The following CLASP1 variants were observed in gnomAD, a reference collection of about 807,000 sequenced individuals.
CLASP1 encodes cytoplasmic linker associated protein 1, also known as CLIP-associating protein 1.
A neutral mutation model predicts 192.3 loss-of-function variants in CLASP1; 38 were observed. The observed-to-expected ratio is 0.20, with a 90% confidence interval of 0.15 to 0.26. The LOEUF is 0.26. Among genes scored for constraint, CLASP1 ranks in the 10% least tolerant of loss-of-function variants. CLASP1 has a pLI of 1.00. For missense variants in CLASP1, 1,433 were observed against 1,932.5 expected (o/e 0.74, Z 4.85); for synonymous variants, 691 against 712.8 (o/e 0.97, Z 0.49).
At chr2:121,510,270 T>A (rs1056558337) in intron 7 of CLASP1, among the ~76,000 whole-genome samples, 2 of 152,152 alleles carry the variant, frequency 1.3e-5, no homozygotes, top group Non-Finnish European at 2.9e-5. Flanking sequence ...AAGTTAGTTC[T>A]TTGAAAAGGC....
At chr2:121,527,672 G>A in intron 5 of CLASP1, 127 bp downstream of exon 5, 2 of 673,778 alleles carry the variant, frequency 3.0e-6, no homozygotes, top group Admixed American at 2.5e-5. Context: ...GGGCAAGGGT[G>A]GGTAAAGGGG....
At chr2:121,530,427 G>T in intron 2 of CLASP1, 102 bp from the exon 3 acceptor site, 1 of 810,076 alleles carries the variant, frequency 1.2e-6, no homozygotes, top group Non-Finnish European at 2.0e-6. Context: ...CCCAGACGCA[G>T]TCCGAGAGTC....
chr2:121,632,040 C>T lies in CLASP1; in HGVS notation c.-286+17332G>A, dbSNP rs2069783460. On this transcript the variant is annotated intron_variant, in intron 1 of 39. Coordinates refer to ENST00000263710, the Ensembl canonical transcript of CLASP1. ...CCAGCCCAGGCAACAGAGCAAGACC[C>T]CATCTCAAAACAAATAAAATAAAAT... Among the ~76,000 whole-genome samples the T allele has an allele frequency of 5.9e-5, 9 of 151,872 alleles. No individual in the cohort carries two copies. The South Asian group carries it at 1.9e-3, about 31-fold the overall frequency.
intron 2 of CLASP1, among the ~76,000 whole-genome samples, chr2:121,577,499 TC>T (rs1362154691): frequency 6.6e-6 from 1 of 152,160 alleles, no homozygotes; most frequent in Non-Finnish European, 1.5e-5. Flanking sequence ...ATGGTGAAAT[TC>T]TAATGTGATA....
chr2:121,358,460 AAGGGCCATTCCTG>A (rs1405628641), intron 37 of CLASP1, among the ~76,000 whole-genome samples: 5 of 152,158 alleles, frequency 3.3e-5, no homozygotes, highest in African/African-American at 1.2e-4. Context: ...AGAGGCACCT[AAGGGCCATTCCTG>A]AGCGCAGGGG....
At chr2:121,514,516 A>C (rs894641293) in intron 7 of CLASP1, among the ~76,000 whole-genome samples, 2 of 152,140 alleles carry the variant, frequency 1.3e-5, no homozygotes, top group African/African-American at 4.8e-5. Flanking sequence ...AAAAAAAAAA[A>C]ACAAAACAAA....
At chr2:121,464,282 T>C (rs1349400892) in intron 9 of CLASP1, among the ~76,000 whole-genome samples, 2 of 152,038 alleles carry the variant, frequency 1.3e-5, no homozygotes, top group African/African-American at 2.4e-5. Context: ...TCTTTGCTAT[T>C]GTGAATAGTG....
At chr2:121,602,613 T>C (rs775754244) in intron 2 of CLASP1, among the ~76,000 whole-genome samples, 3 of 152,052 alleles carry the variant, frequency 2.0e-5, no homozygotes, top group African/African-American at 4.8e-5. Flanking sequence ...AACAGACACA[T>C]AGGCCAATGG....
chr2:121,524,365 A>G (rs2104617744), intron 6 of CLASP1, among the ~76,000 whole-genome samples: 1 of 152,354 alleles, frequency 6.6e-6, no homozygotes, highest in East Asian at 1.9e-4. Context: ...TTTTTAAAAA[A>G]TAGTACAATT....
rs186001225 is a variant in CLASP1 at position 121,592,364 on chromosome 2, T to C, written c.195+13337A>G. 5.3e-4 allele frequency among the ~76,000 whole-genome samples: 81 copies of C among 152,356 alleles called. 2 individuals are homozygous for C. In the East Asian group the frequency reaches 0.012, roughly 22 times the overall value. On this transcript the variant is annotated intron_variant, in intron 2 of 39. Coordinates refer to ENST00000263710, the Ensembl canonical transcript of CLASP1. The stretch of plus-strand genomic sequence containing the variant: ...AACCAAACTTCATCGCATTTTTATA[T>C]GTTCACAAAATTATTAGGTTGCCTT...
At position 121,562,103 on chromosome 2, in the gene CLASP1, G is replaced by A. The variant is rs567503168; in HGVS notation, c.196-31778C>T. 2.6e-5 allele frequency among the ~76,000 whole-genome samples: 4 copies of A among 152,130 alleles called. No homozygotes were observed. The South Asian group carries it at 6.2e-4, about 24-fold the overall frequency. On this transcript the variant is annotated intron_variant, in intron 2 of 39. Transcript: ENST00000263710. ...GTTCCTACAGGTTGCAACATAAAAC[G>A]GATTTCTCACTATGAACCTTAGAGA...
At chr2:121,351,806 T>C (rs1253713699) in intron 37 of CLASP1, among the ~76,000 whole-genome samples, 1 of 152,174 alleles carries the variant, frequency 6.6e-6, no homozygotes, top group African/African-American at 2.4e-5. Context: ...GTGCTCACTA[T>C]GTATGTGAAG....
intron 9 of CLASP1, among the ~76,000 whole-genome samples, chr2:121,464,690 G>A (rs903043734): frequency 6.6e-6 from 1 of 151,926 alleles, no homozygotes; most frequent in African/African-American, 2.4e-5. Flanking sequence ...TTTTTGATGG[G>A]GTTGTTTGTT....
intron 28 of CLASP1, among the ~76,000 whole-genome samples, chr2:121,399,893 A>G (rs967655305): frequency 3.1e-4 from 47 of 152,236 alleles, no homozygotes; most frequent in Admixed American, 1.3e-4. Flanking sequence ...TGGCCTTCAC[A>G]GTATCTTAAA....
chr2:121,403,246 G>A (rs1275561391), intron 26 of CLASP1, among the ~76,000 whole-genome samples: 1 of 152,138 alleles, frequency 6.6e-6, no homozygotes, highest in African/African-American at 2.4e-5. Context: ...GGGAGGGGAG[G>A]AGAACCCTTG....
intron 21 of CLASP1, 56 bp from the exon 22 acceptor site, chr2:121,425,362 T>C: frequency 2.0e-6 from 3 of 1,481,006 alleles, no homozygotes; most frequent in Non-Finnish European, 2.7e-6. Context: ...GAATGAACTA[T>C]AATACTTTCA....
chr2:121,485,534 T>TTG (rs139253037), intron 8 of CLASP1, among the ~76,000 whole-genome samples: 1 of 152,012 alleles, frequency 6.6e-6, no homozygotes, highest in South Asian at 2.1e-4. Flanking sequence ...GGCCTTCCAA[T>TTG]TGTGTGTGTG....
At chr2:121,533,675 A>C (rs1000422105) in intron 2 of CLASP1, among the ~76,000 whole-genome samples, 4 of 152,200 alleles carry the variant, frequency 2.6e-5, no homozygotes, top group Non-Finnish European at 5.9e-5. Flanking sequence ...AATTTGTTGT[A>C]ATTTTTTTCT....
intron 34 of CLASP1, among the ~76,000 whole-genome samples, chr2:121,376,798 T>C (rs1036363440): frequency 2.6e-5 from 4 of 152,230 alleles, no homozygotes; most frequent in Admixed American, 1.3e-4. Context: ...TAAATTCTCA[T>C]AGGAGCGTCA....
Sources: gnomAD v4.1 joint callset for allele counts (sites outside exome capture counted in the v4.1 genomes callset) on GRCh38, gnomAD v4.1.1 for gene constraint, MANE v1.5 for transcripts, NCBI Gene and HGNC (gene_info 2026-07-23, HGNC 2026-07-21) for gene names.